The following USP7 variants were observed in gnomAD, a reference collection of about 807,000 sequenced individuals.
USP7 encodes the protein ubiquitin C-terminal hydrolase 7.
Under a neutral mutation model 162.9 loss-of-function variants are expected in USP7, and 9 were observed. The observed-to-expected ratio is 0.06, with a 90% CI of 0.03 to 0.10. The LOEUF (loss-of-function observed/expected upper bound fraction) is 0.10. Ranked by LOEUF, USP7 falls within the 10% of genes least tolerant of loss-of-function variation. The probability of loss-of-function intolerance (pLI) is 1.00; values close to 1 mark genes in which losing one functional copy is unlikely to be tolerated. For missense variants in USP7, 715 were observed against 1,373.7 expected (o/e 0.52, Z 7.58); for synonymous variants, 562 against 475.9 (o/e 1.18, Z -2.35).
At chr16:8,896,641 T>A (rs1484741267) in intron 26 of USP7, among the ~76,000 whole-genome samples, 3 of 152,170 alleles carry the variant, frequency 2.0e-5, no homozygotes, top group Non-Finnish European at 1.5e-5. Flanking sequence ...ATCGTTCAAA[T>A]GGAATCGTAT....
chr16:8,927,769 G>A (rs1396191170), intron 2 of USP7, among the ~76,000 whole-genome samples: 1 of 152,222 alleles, frequency 6.6e-6, no homozygotes, highest in African/African-American at 2.4e-5. Flanking sequence ...CCAGGAGGTG[G>A]AGGTTGCAGT....
chr16:8,909,682 C>G (rs1043166286), intron 11 of USP7, among the ~76,000 whole-genome samples: 1 of 152,182 alleles, frequency 6.6e-6, no homozygotes, highest in Non-Finnish European at 1.5e-5. Context: ...AATCCCAGCA[C>G]TTTGGGAGGC....
At chr16:8,930,553 A>C (rs1397488093) in intron 1 of USP7, among the ~76,000 whole-genome samples, 156 bp from the exon 2 acceptor site, 1 of 152,238 alleles carries the variant, frequency 6.6e-6, no homozygotes, top group Admixed American at 6.5e-5. Context: ...TATTTATACT[A>C]ATGTTTACTA....
In USP7 at chr16:8,903,243, GTA is replaced by G. The variant is rs778269375; in HGVS notation, c.1839+23_1839+24del. ...GGTGGACGTTGGGAGCCACGGTGGG[GTA>G]TATCCACGGGACCGGTACGCACCAT... On this transcript the variant is annotated intron_variant, in intron 16 of 30. Coordinates refer to ENST00000344836, the MANE Select transcript of USP7 (RefSeq NM_003470.3). 973 of 1,600,838 alleles carry G rather than the reference GTA, an allele frequency of 6.1e-4. 2 individuals are homozygous for G. Among genetic ancestry groups the G allele is most frequent in the Non-Finnish European group, 4.0e-4 (472 of 1,172,504 alleles).
chr16:8,931,497 C>T (rs1235184328), intron 1 of USP7, among the ~76,000 whole-genome samples: 2 of 152,204 alleles, frequency 1.3e-5, no homozygotes, highest in African/African-American at 4.8e-5. Context: ...ATCAAATCAT[C>T]ACCCTCAAGG....
intron 25 of USP7, among the ~76,000 whole-genome samples, chr16:8,897,673 G>A (rs373432556): frequency 5.1e-5 from 6 of 118,172 alleles, no homozygotes; most frequent in East Asian, 5.3e-4. Flanking sequence ...ACCAGTCTGG[G>A]CAATATAGTG....
intron 25 of USP7, among the ~76,000 whole-genome samples, chr16:8,898,136 G>A (rs931473729): frequency 1.3e-5 from 2 of 152,148 alleles, no homozygotes; most frequent in African/African-American, 4.8e-5. Flanking sequence ...GGGAAGGGTT[G>A]GCTGCCGAAT....
chr16:8,895,627 A>G lies in USP7; in HGVS notation c.2919+15T>C, dbSNP rs2141159834. On this transcript the variant is annotated intron_variant, in intron 27 of 30. Coordinates refer to ENST00000344836, the MANE Select transcript of USP7 (RefSeq NM_003470.3). The stretch of plus-strand genomic sequence containing the variant: ...ATGAATTCTCTCTGGTGCCAACAGT[A>G]TCGGGGACAGATACCTCTATTCGAA... 1 of 1,601,254 alleles carries G rather than the reference A, an allele frequency of 6.2e-7. No individual in the cohort carries two copies. The highest frequency in any genetic ancestry group is 8.5e-7 in the Non-Finnish European group (1 of 1,170,042).
intron 16 of USP7, 98 bp downstream of exon 16, chr16:8,903,170 G>C (rs1234680685): frequency 6.7e-7 from 1 of 1,490,776 alleles, no homozygotes; most frequent in African/African-American, 1.4e-5. Flanking sequence ...GCTGGACACA[G>C]CACCTACCCC....
chr16:8,945,209 A>G (rs1367435199), intron 1 of USP7, among the ~76,000 whole-genome samples: 5 of 151,576 alleles, frequency 3.3e-5, no homozygotes, highest in African/African-American at 1.2e-4. Flanking sequence ...GGGCAACAAG[A>G]GCGAAATTCC....
At chr16:8,951,872 C>T (rs768959512) in intron 1 of USP7, among the ~76,000 whole-genome samples, 2 of 152,228 alleles carry the variant, frequency 1.3e-5, no homozygotes, top group Non-Finnish European at 2.9e-5. Flanking sequence ...TATTTTGCTT[C>T]ATCTCTTTTT....
chr16:8,934,616 C>CAG (rs758386659), intron 1 of USP7, among the ~76,000 whole-genome samples: 1 of 152,212 alleles, frequency 6.6e-6, no homozygotes, highest in Non-Finnish European at 1.5e-5. Context: ...GCAAAGCAAG[C>CAG]AGAGGTCTGC....
At chr16:8,957,611 G>T (rs1011690472) in intron 1 of USP7, among the ~76,000 whole-genome samples, 2 of 149,716 alleles carry the variant, frequency 1.3e-5, no homozygotes, top group East Asian at 3.9e-4. Flanking sequence ...AAAAAAATTA[G>T]CCAAATGTGG....
intron 1 of USP7, among the ~76,000 whole-genome samples, chr16:8,948,480 T>A (rs150596869): frequency 6.6e-6 from 1 of 152,218 alleles, no homozygotes; most frequent in African/African-American, 2.4e-5. Flanking sequence ...CTGCCACACC[T>A]GGCCCCCAGT....
In USP7 at chr16:8,955,906, C is replaced by T. The variant is rs142135685; in HGVS notation, c.79+7301G>A. On this transcript the variant is annotated intron_variant, in intron 1 of 30. Coordinates refer to ENST00000344836, the MANE Select transcript of USP7 (RefSeq NM_003470.3). ...CCACATGGTGTCCCTTGGAAACACA[C>T]CTCTCAACTTTTTCTGAAGTACTGT... Among the ~76,000 whole-genome samples the T allele has an allele frequency of 2.8e-3, 430 of 152,146 alleles. 1 individual carries two copies. Among genetic ancestry groups the T allele is most frequent in the African/African-American group, 9.5e-3 (396 of 41,490 alleles).
intron 1 of USP7, among the ~76,000 whole-genome samples, chr16:8,940,114 T>C (rs1458767219): frequency 6.6e-6 from 1 of 151,954 alleles, no homozygotes; most frequent in African/African-American, 2.4e-5. Context: ...AAAAAGGCTG[T>C]TTCCATCCAG....
At position 8,963,294 on chromosome 16, in the gene USP7, C is replaced by T; in HGVS notation, c.-9G>A. On this transcript the variant is annotated 5_prime_UTR_variant, in exon 1 of 31. Transcript: ENST00000344836. ...TGCTGCTGGTGGTTCATGTCGGCCG[C>T]GGCCTGGGCCTCGCCTGCGGCCGGG... The T allele has an allele frequency of 8.1e-7, 1 of 1,240,990 alleles. No individual in the cohort carries two copies. Among genetic ancestry groups the T allele is most frequent in the Non-Finnish European group, 1.0e-6 (1 of 968,586 alleles). The allele number at this position is 1,240,990 out of a possible 1,614,324, so 76.9% of individuals were successfully genotyped here.
intron 2 of USP7, 71 bp from the exon 3 acceptor site, chr16:8,923,484 G>C (rs1442554439): frequency 1.4e-5 from 21 of 1,516,288 alleles, no homozygotes; most frequent in East Asian, 2.4e-5. Flanking sequence ...AATCGACATG[G>C]AGTAAACTGT....
chr16:8,927,030 G>C (rs368065686), intron 2 of USP7, among the ~76,000 whole-genome samples: 15 of 152,138 alleles, frequency 9.9e-5, no homozygotes, highest in East Asian at 7.7e-4. Context: ...AAAAAGAAAG[G>C]TAGGCCGGGC....
Sources: gnomAD v4.1 joint callset for allele counts (sites outside exome capture counted in the v4.1 genomes callset) on GRCh38, gnomAD v4.1.1 for gene constraint, MANE v1.5 for transcripts, NCBI Gene and HGNC (gene_info 2026-07-23, HGNC 2026-07-21) for gene names.